The following HP1BP3 variants were observed in gnomAD, a reference collection of about 807,000 sequenced individuals.
HP1BP3 encodes the protein heterochromatin protein 1-binding protein 3.
In HP1BP3, 12 loss-of-function variants were observed where a neutral mutation model predicts 62.5. The observed-to-expected ratio is 0.19, with a 90% confidence interval of 0.12 to 0.31. HP1BP3 has a LOEUF of 0.31. HP1BP3 is among the 10% of genes least tolerant of loss of function. The pLI is 1.00. For missense variants in HP1BP3, 502 were observed against 651.8 expected, an observed-to-expected ratio of 0.77 and a Z score of 2.50; for synonymous variants, 260 against 237.8, an observed-to-expected ratio of 1.09 and a Z score of -0.86.
chr1:20,772,381 A>G (rs1478306322), intron 5 of HP1BP3, among the ~76,000 whole-genome samples: 1 of 152,186 alleles, frequency 6.6e-6, no homozygotes, highest in Non-Finnish European at 1.5e-5. Flanking sequence ...TTCCATCCTC[A>G]CTATGATGCT....
rs2056734922 is a variant in HP1BP3 at position 20,765,478 on chromosome 1, G to A, written c.789C>T (p.Leu263=). ...PEPQVKLEDV[L]PLAFTRLCEP... The stretch of plus-strand genomic sequence containing the variant: ...CACAAAGGCGAGTAAAGGCCAGTGG[G>A]AGGACATCCTCCAATTTTACTTGTG... The change falls in exon 8 of 13, where the codon CTC becomes CTT. Residue 263 remains leucine (L), a synonymous_variant. Coordinates refer to ENST00000438032, the MANE Select transcript of HP1BP3 (RefSeq NM_001372052.1). The A allele has an allele frequency of 6.2e-7, 1 of 1,613,422 alleles. No homozygotes were observed. The highest frequency in any genetic ancestry group is 1.3e-5 in the African/African-American group (1 of 74,896).
intron 1 of HP1BP3, among the ~76,000 whole-genome samples, chr1:20,785,681 G>A (rs568963444): frequency 2.0e-5 from 3 of 152,118 alleles, no homozygotes; most frequent in African/African-American, 4.8e-5. Context: ...ACTTTCATCC[G>A]GAAATGAAGA....
chr1:20,786,016 A>G (rs2057806074), intron 1 of HP1BP3, among the ~76,000 whole-genome samples: 1 of 152,238 alleles, frequency 6.6e-6, no homozygotes, highest in Non-Finnish European at 1.5e-5. Flanking sequence ...AATGCAATGC[A>G]AAGTCAGGAA....
At chr1:20,776,551 T>C in intron 4 of HP1BP3, 46 bp downstream of exon 4, 2 of 1,535,754 alleles carry the variant, frequency 1.3e-6, no homozygotes. Context: ...TAAAGTCCTT[T>C]TACACATTCT....
intron 8 of HP1BP3, among the ~76,000 whole-genome samples, chr1:20,758,128 G>A (rs920426371): frequency 3.9e-5 from 6 of 152,046 alleles, no homozygotes; most frequent in East Asian, 3.9e-4. Context: ...CCTAGGCAAC[G>A]GAGCAAGACT....
chr1:20,764,971 C>A (rs921319056), intron 8 of HP1BP3, among the ~76,000 whole-genome samples: 1 of 151,522 alleles, frequency 6.6e-6, no homozygotes, highest in Admixed American at 6.6e-5. Context: ...GAGTTCGAGA[C>A]CAGCCTGGCC....
Position 20,757,224 on chromosome 1 carries a change from G to C in HP1BP3, c.923C>G (p.Ala308Gly). 6.2e-7 allele frequency: 1 copy of C among 1,611,626 alleles called. No individual in the cohort carries two copies. The highest frequency in any genetic ancestry group is 8.5e-7 in the Non-Finnish European group (1 of 1,179,094). ...CTGTTCTAACTGGCCCCTCTCTACT[G>C]CTCTCTGCAGAGCGTTCTTCAACAG... ...PQLLKNALQRAVERGQLEQIT... is the reference protein window; with the variant it reads ...PQLLKNALQRGVERGQLEQIT... Residue 308 changes from alanine to glycine, a missense_variant, in exon 9 of 13, where the codon GCA (alanine) becomes GGA (glycine). Ala to Gly is a moderately conservative substitution (Grantham distance 60, BLOSUM62 0). This residue lies in a region of HP1BP3 where 111 missense variants were observed against 242.0 expected (regional missense o/e 0.46). Coordinates refer to ENST00000438032, the MANE Select transcript of HP1BP3 (RefSeq NM_001372052.1).
chr1:20,771,296 A>G (rs544939342), intron 5 of HP1BP3, among the ~76,000 whole-genome samples: 2 of 152,354 alleles, frequency 1.3e-5, no homozygotes, highest in South Asian at 4.1e-4. Context: ...CTAAGAGACC[A>G]TACTGAACAC....
intron 4 of HP1BP3, 81 bp downstream of exon 4, chr1:20,776,516 T>C (rs2057310727): frequency 7.9e-7 from 1 of 1,272,048 alleles, no homozygotes; most frequent in Non-Finnish European, 1.1e-6. Flanking sequence ...AAACCAATGT[T>C]ATAACACTTT....
intron 3 of HP1BP3, 101 bp downstream of exon 3, chr1:20,779,711 G>GAAA (rs200327876): frequency 0.034 from 16,732 of 490,578 alleles, 36 homozygotes; most frequent in South Asian, 0.045. Context: ...ACTTAGCCAT[G>GAAA]AAAAAAAAAA....
rs1379467693 is a variant in HP1BP3, at chr1:20,744,834, T to C, written c.1625A>G (p.Lys542Arg). 1.4e-5 allele frequency: 22 copies of C among 1,613,124 alleles called. No individual in the cohort carries two copies. In the South Asian group the frequency reaches 1.7e-4, roughly 12 times the overall value. Residue 542 changes from lysine (K) to arginine (R), a missense_variant, in exon 13 of 13, where the codon AAA (lysine) becomes AGA (arginine). Physicochemically the swap from Lys to Arg is conservative, Grantham distance 26 (BLOSUM62 2). Transcript: ENST00000438032. ...TCTGAAAGACTTCTTCATGGTGGAT[T>C]TGCCCTTGCCCGGCAATTTTACTTC... The part of the protein sequence containing the change: ...RKEVKLPGKG[K>R]STMKKSFRVK...
chr1:20,782,170 G>C (rs2057584777), intron 1 of HP1BP3, among the ~76,000 whole-genome samples: 1 of 152,184 alleles, frequency 6.6e-6, no homozygotes, highest in Non-Finnish European at 1.5e-5. Flanking sequence ...TGGTGTAGTA[G>C]CTCATGCCTG....
chr1:20,762,595 A>G (rs567659461), intron 8 of HP1BP3, among the ~76,000 whole-genome samples: 68 of 152,310 alleles, frequency 4.5e-4, no homozygotes, highest in African/African-American at 9.6e-5. Context: ...AGATAAATGC[A>G]TATCTGATTG....
chr1:20,745,071 G>T lies in HP1BP3; in HGVS notation c.1388C>A (p.Ala463Asp). The T allele has an allele frequency of 6.2e-7, 1 of 1,609,592 alleles. No homozygotes were observed. Among genetic ancestry groups the T allele is most frequent in the Non-Finnish European group, 8.5e-7 (1 of 1,178,644 alleles). ...AGATGCGGCCTTCCCTGGGGACTTG[G>T]CTGGGGTTTTCTTCTGCAACCTGTG... ...PKRRLQKKTPAKSPGKAASVK... is the reference protein window; with the variant it reads ...PKRRLQKKTPDKSPGKAASVK... The change falls in exon 13 of 13, where the codon GCC becomes GAC. Residue 463 changes from alanine to aspartate, a missense_variant. Ala to Asp is a moderately radical substitution (Grantham distance 126). Coordinates refer to ENST00000438032, the MANE Select transcript of HP1BP3 (RefSeq NM_001372052.1).
At chr1:20,765,340 C>A in intron 8 of HP1BP3, 37 bp downstream of exon 8, 1 of 1,447,772 alleles carries the variant, frequency 6.9e-7, no homozygotes, top group South Asian at 1.3e-5. Context: ...AAGGAAGTAA[C>A]ACATCATGTT....
At position 20,745,227 on chromosome 1, in the gene HP1BP3, T is replaced by C. The variant is rs561113064; in HGVS notation, c.1368-136A>G. Reference sequence around the variant, plus strand: ...TAAGAATAGGAATGTGACAATTTTTTACTAGAGATTTTACTAAAATTGTAT... The same window carrying C: ...TAAGAATAGGAATGTGACAATTTTTCACTAGAGATTTTACTAAAATTGTAT... On this transcript the variant is annotated intron_variant, in intron 12 of 12. Coordinates refer to ENST00000438032, the MANE Select transcript of HP1BP3 (RefSeq NM_001372052.1). The C allele has an allele frequency of 5.7e-5, 56 of 989,218 alleles. No homozygotes were observed. In the African/African-American group the frequency reaches 8.0e-4, roughly 14 times the overall value. The allele number at this position is 989,218 out of a possible 1,614,324, so 61.3% of individuals were successfully genotyped here. A position where few individuals can be genotyped will look rare whatever the true frequency, so the allele number is the denominator to read the frequency against.
At chr1:20,769,596 T>C (rs1272918404) in intron 6 of HP1BP3, among the ~76,000 whole-genome samples, 3 of 152,096 alleles carry the variant, frequency 2.0e-5, no homozygotes. Context: ...AATTTTTTTG[T>C]AGAGACAGGG....
chr1:20,744,689 G>A lies in HP1BP3; in HGVS notation c.*108C>T, dbSNP rs1203242702. On this transcript the variant is annotated 3_prime_UTR_variant, in exon 13 of 13. Coordinates refer to ENST00000438032, the MANE Select transcript of HP1BP3 (RefSeq NM_001372052.1). ...GAGTCCCTCCCCACAATGTTCATAGGGGAGGAAAATAATGTAATTTGAAAA... is the reference window on the plus strand; with the variant it reads ...GAGTCCCTCCCCACAATGTTCATAGAGGAGGAAAATAATGTAATTTGAAAA... The A allele has an allele frequency of 1.9e-6, 2 of 1,064,716 alleles. No homozygotes were observed. Among genetic ancestry groups the A allele is most frequent in the Non-Finnish European group, 2.7e-6 (2 of 743,448 alleles). 66.0% of individuals were successfully genotyped at this position (1,064,716 alleles called of 1,614,324 possible).
rs965180695 is a variant in HP1BP3 at position 20,743,101 on chromosome 1, T to C, written c.*1696A>G. 8 of 152,178 alleles carry C rather than the reference T, an allele frequency of 5.3e-5. No individual in the cohort carries two copies. The highest frequency in any genetic ancestry group is 1.7e-4 in the African/African-American group (7 of 41,384). The allele number at this position is 152,178 out of a possible 1,614,324, so 9.4% of individuals were successfully genotyped here. ...ATAAGAAAGGGTTAGGTAGTTGGGC[T>C]TCATTTACTTTTTTCCTTTTCTTTT... is the stretch of plus-strand genomic sequence containing the variant. On this transcript the variant is annotated 3_prime_UTR_variant, in exon 13 of 13. Coordinates refer to ENST00000438032, the MANE Select transcript of HP1BP3 (RefSeq NM_001372052.1).
Sources: allele counts gnomAD v4.1 joint callset (sites outside exome capture counted in the v4.1 genomes callset), GRCh38; gene constraint gnomAD v4.1.1; regional missense constraint gnomAD v4.1.1; transcripts MANE v1.5; gene names NCBI Gene and HGNC (gene_info 2026-07-23, HGNC 2026-07-21).